MCCC1: variants seen among roughly 807,000 people sequenced by gnomAD.
MCCC1 encodes methylcrotonoyl-CoA carboxylase subunit alpha, mitochondrial.
Under a neutral mutation model 83.8 loss-of-function variants are expected in MCCC1, and 64 were observed. That is an observed-to-expected ratio of 0.76 (90% confidence interval 0.62 to 0.94). The LOEUF (loss-of-function observed/expected upper bound fraction) is 0.94, where lower values mean the gene tolerates loss of function less well. MCCC1 is among the 40% of genes least tolerant of loss of function. MCCC1 has a pLI of 0.00. For missense variants in MCCC1, 807 were observed against 904.7 expected (o/e 0.89, Z 1.39); for synonymous variants, 322 against 315.4 (o/e 1.02, Z -0.22).
intron 13 of MCCC1, among the ~76,000 whole-genome samples, chr3:183,034,974 C>T (rs1713445873): frequency 6.6e-6 from 1 of 152,066 alleles, no homozygotes; most frequent in African/African-American, 2.4e-5. Context: ...GATGGGGTTT[C>T]ACCATGTTGG....
At chr3:183,102,758 GTTTTTTTTTTTTTTTTTTTTTTTTTTTTT>G (rs566199257), upstream of MCCC1, among the ~76,000 whole-genome samples, 49 of 52,222 alleles carry the variant, frequency 9.4e-4, 1 homozygote, top group South Asian at 5.0e-3. Flanking sequence ...AGCAGAGAAA[GTTTTTTTTTTTTTTTTTTTTTTTTTTTTT>G]TTTTTTTTTT....
In MCCC1 at chr3:183,071,200, A is replaced by ACAATCTTACTTT. The variant is rs771940075; in HGVS notation, c.637_639+9dup. 1 of 1,614,226 alleles carries ACAATCTTACTTT rather than the reference A, an allele frequency of 6.2e-7. No individual in the cohort carries two copies. Among genetic ancestry groups the ACAATCTTACTTT allele is most frequent in the African/African-American group, 1.3e-5 (1 of 75,074 alleles). ...CCTGAATTGGCAAACACAAGCATGC[A>ACAATCTTACTTT]CAATCTTACTTTTCCTCCTCCACCC... is the stretch of plus-strand genomic sequence containing the variant. On this transcript the variant is annotated intron_variant, in intron 6 of 18. Transcript: ENST00000265594.
chr3:183,065,734 T>G (rs1716209594), intron 7 of MCCC1, among the ~76,000 whole-genome samples: 1 of 152,204 alleles, frequency 6.6e-6, no homozygotes, highest in Admixed American at 6.5e-5. Context: ...AAAATTAATC[T>G]TGTAAAAGAA....
rs753487320 is a variant in MCCC1 at position 183,041,552 on chromosome 3, T to C, written c.1267+15A>G. The C allele has an allele frequency of 1.5e-5, 24 of 1,613,924 alleles. No homozygotes were observed. Among genetic ancestry groups the C allele is most frequent in the Admixed American group, 3.3e-5 (2 of 60,008 alleles). ...ACTTAAAAAGAGTGAGACTTTTCAT[T>C]TTCTTTCACTTTACCTTGCCGTACT... On this transcript the variant is annotated intron_variant, in intron 11 of 18. Transcript: ENST00000265594.
In MCCC1 at chr3:183,107,363, G is replaced by A. The variant is rs570054027; in HGVS notation, c.-102+8111C>T. 1.2e-4 allele frequency among the ~76,000 whole-genome samples: 18 copies of A among 150,376 alleles called. No individual in the cohort carries two copies. In the South Asian group the frequency reaches 2.9e-3, roughly 25 times the overall value. On this transcript the variant is annotated intron_variant, in intron 1 of 17. Transcript: ENST00000492597. Reference sequence around the variant, plus strand: ...GTGGAGGTTGCAGTGAGCTGAGATCGTGCCTTTGCACTCCAGCCTGGGCAA... The same window carrying A: ...GTGGAGGTTGCAGTGAGCTGAGATCATGCCTTTGCACTCCAGCCTGGGCAA...
intron 1 of MCCC1, among the ~76,000 whole-genome samples, chr3:183,109,118 G>C (rs1719450852): frequency 6.6e-6 from 1 of 151,938 alleles, no homozygotes; most frequent in Non-Finnish European, 1.5e-5. Context: ...CAGCCTCCCA[G>C]GTAGCTGGGA....
intron 4 of MCCC1, among the ~76,000 whole-genome samples, chr3:183,084,034 T>C (rs1717708287): frequency 6.6e-6 from 1 of 152,264 alleles, no homozygotes; most frequent in African/African-American, 2.4e-5. Flanking sequence ...TTTGCATAAA[T>C]GCAAATTACA....
chr3:183,018,472 T>C (rs1301743809), intron 17 of MCCC1, among the ~76,000 whole-genome samples: 1 of 117,256 alleles, frequency 8.5e-6, no homozygotes, highest in Admixed American at 8.8e-5. Context: ...GGCCTACAGG[T>C]CAAATGCACT....
At chr3:183,099,601 C>T (rs866179511), upstream of MCCC1, 17 of 799,360 alleles carry the variant, frequency 2.1e-5, no homozygotes, top group Admixed American at 1.7e-4. Context: ...GGCGTCTCCA[C>T]GAACACCAAT....
intron 4 of MCCC1, among the ~76,000 whole-genome samples, chr3:183,082,574 C>T (rs980241267): frequency 2.0e-5 from 3 of 152,168 alleles, no homozygotes; most frequent in Admixed American, 6.5e-5. Context: ...AGGCCTCTTC[C>T]GCAAGGCAGT....
Position 183,086,801 on chromosome 3 carries a change from C to G in MCCC1, c.274-13G>C. 1 of 1,611,408 alleles carries G rather than the reference C, an allele frequency of 6.2e-7. No homozygotes were observed. Among genetic ancestry groups the G allele is most frequent in the Non-Finnish European group, 8.5e-7 (1 of 1,178,068 alleles). On this transcript the variant is annotated splice_polypyrimidine_tract_variant and intron_variant, in intron 3 of 18. Coordinates refer to ENST00000265594, the MANE Select transcript of MCCC1 (RefSeq NM_020166.5). Reference sequence around the variant, plus strand: ...ATGCTTCATCTGCCTGTTTAAGAAACATCACATGCTTAAAAGACTTTGTGG... The same window carrying G: ...ATGCTTCATCTGCCTGTTTAAGAAAGATCACATGCTTAAAAGACTTTGTGG...
chr3:183,054,349 C>T (rs971759485), intron 8 of MCCC1, among the ~76,000 whole-genome samples: 2 of 152,012 alleles, frequency 1.3e-5, no homozygotes, highest in East Asian at 1.9e-4. Context: ...CCATGCCCGG[C>T]TATTTTTTTT....
intron 3 of MCCC1, among the ~76,000 whole-genome samples, chr3:183,090,326 G>A (rs571066351): frequency 6.6e-6 from 1 of 152,306 alleles, no homozygotes; most frequent in Non-Finnish European, 1.5e-5. Context: ...GTCTAGTAGA[G>A]AGTGGTTGAA....
intron 7 of MCCC1, among the ~76,000 whole-genome samples, chr3:183,061,684 G>A (rs568969290): frequency 1.3e-5 from 2 of 152,360 alleles, no homozygotes; most frequent in African/African-American, 4.8e-5. Flanking sequence ...ATTTTAGAGT[G>A]AAGGCTTGCC....
intron 10 of MCCC1, among the ~76,000 whole-genome samples, chr3:183,042,475 A>G (rs1714170428): frequency 6.6e-6 from 1 of 152,210 alleles, no homozygotes. Flanking sequence ...TTCCAAGATG[A>G]GAAAATGACA....
At chr3:183,054,682 A>C (rs906417361) in intron 8 of MCCC1, among the ~76,000 whole-genome samples, 3 of 152,248 alleles carry the variant, frequency 2.0e-5, no homozygotes, top group African/African-American at 7.2e-5. Flanking sequence ...TACCAAGTGT[A>C]CAGTGATGTA....
intron 14 of MCCC1, among the ~76,000 whole-genome samples, chr3:183,029,429 T>C (rs1163866210): frequency 6.6e-6 from 1 of 152,210 alleles, no homozygotes; most frequent in African/African-American, 2.4e-5. Flanking sequence ...GCTCCCTGAC[T>C]GGCATCCCTA....
chr3:183,043,627 T>C (rs536420044), intron 10 of MCCC1, among the ~76,000 whole-genome samples: 2 of 152,284 alleles, frequency 1.3e-5, no homozygotes, highest in South Asian at 2.1e-4. Flanking sequence ...TTTACCTCTG[T>C]TTGAAGGCCA....
intron 15 of MCCC1, among the ~76,000 whole-genome samples, chr3:183,024,008 T>C (rs1712373808): frequency 1.3e-5 from 2 of 152,142 alleles, no homozygotes; most frequent in Admixed American, 1.3e-4. Flanking sequence ...CCCAGCACTT[T>C]GGGAGGCCAA....
Sources: allele counts gnomAD v4.1 joint callset (sites outside exome capture counted in the v4.1 genomes callset), GRCh38; gene constraint gnomAD v4.1.1; transcripts MANE v1.5; gene names NCBI Gene and HGNC (gene_info 2026-07-23, HGNC 2026-07-21).